The following TIAM1 variants were observed in gnomAD, a reference collection of about 807,000 sequenced individuals.
TIAM1 encodes rho guanine nucleotide exchange factor TIAM1.
A neutral mutation model predicts 163.5 loss-of-function variants in TIAM1; 65 were observed. The observed-to-expected ratio is 0.40, with a 90% CI of 0.33 to 0.49. The LOEUF (loss-of-function observed/expected upper bound fraction) is 0.49. Ranked by LOEUF, TIAM1 falls within the 20% of genes least tolerant of loss-of-function variation. The pLI is 0.77. For synonymous variants in TIAM1, 833 were observed against 810.1 expected (o/e 1.03, Z -0.48); for missense variants, 1,789 against 2,044.7 (o/e 0.87, Z 2.41).
chr21:31,164,333 T>C (rs951717862), intron 16 of TIAM1, among the ~76,000 whole-genome samples: 7 of 147,150 alleles, frequency 4.8e-5, no homozygotes, highest in African/African-American at 1.5e-4. Context: ...GAGCTTGCAG[T>C]GAGCCGAGAT....
chr21:31,215,036 A>T (rs966276198), intron 9 of TIAM1, among the ~76,000 whole-genome samples: 1 of 152,228 alleles, frequency 6.6e-6, no homozygotes. Flanking sequence ...TTTAGAAAAA[A>T]TACAAGAATT....
chr21:31,336,845 C>T (rs1221116935), intron 2 of TIAM1, among the ~76,000 whole-genome samples: 1 of 152,104 alleles, frequency 6.6e-6, no homozygotes, highest in Non-Finnish European at 1.5e-5. Context: ...AGGCAGGAGG[C>T]CAATGGGGGT....
chr21:31,433,390 G>A (rs897325040), intron 2 of TIAM1, among the ~76,000 whole-genome samples: 12 of 152,190 alleles, frequency 7.9e-5, no homozygotes, highest in African/African-American at 2.4e-5. Flanking sequence ...AGCAAACTGG[G>A]TAGAAGGAGA....
At chr21:31,478,370 A>T (rs1273329295) in intron 1 of TIAM1, among the ~76,000 whole-genome samples, 1 of 152,206 alleles carries the variant, frequency 6.6e-6, no homozygotes. Flanking sequence ...AGTTTAAAAA[A>T]ATCAATCCAT....
intron 11 of TIAM1, among the ~76,000 whole-genome samples, chr21:31,206,568 T>C (rs2086462492): frequency 6.6e-6 from 1 of 152,236 alleles, no homozygotes; most frequent in Non-Finnish European, 1.5e-5. Flanking sequence ...TGTTTTCCAA[T>C]GTACATGTAC....
chr21:31,195,590 G>A (rs983838792), intron 12 of TIAM1, among the ~76,000 whole-genome samples: 1 of 152,102 alleles, frequency 6.6e-6, no homozygotes, highest in Non-Finnish European at 1.5e-5. Flanking sequence ...TAATGCTAAA[G>A]TAATGGAGAT....
At chr21:31,513,457 G>T (rs1369304942) in intron 1 of TIAM1, among the ~76,000 whole-genome samples, 5 of 152,140 alleles carry the variant, frequency 3.3e-5, no homozygotes, top group Admixed American at 2.6e-4. Flanking sequence ...ATGCTACCAT[G>T]TTGTGAAATG....
intron 1 of TIAM1, among the ~76,000 whole-genome samples, chr21:31,484,819 C>T (rs2147403119): frequency 6.6e-6 from 1 of 152,316 alleles, no homozygotes; most frequent in East Asian, 1.9e-4. Flanking sequence ...CCCTGAAATC[C>T]TAGCCCCTTA....
At chr21:31,185,611 T>G (rs1430008583) in intron 14 of TIAM1, among the ~76,000 whole-genome samples, 1 of 144,598 alleles carries the variant, frequency 6.9e-6, no homozygotes, top group Non-Finnish European at 1.5e-5. Flanking sequence ...TAGCTATATA[T>G]TATATTAATA....
chr21:31,404,468 T>G (rs1450916719), intron 2 of TIAM1, among the ~76,000 whole-genome samples: 1 of 150,226 alleles, frequency 6.7e-6, no homozygotes, highest in Non-Finnish European at 1.5e-5. Context: ...GGTCAAATCC[T>G]ACACTAAGTC....
chr21:31,363,246 T>C (rs1043684597), intron 2 of TIAM1, among the ~76,000 whole-genome samples: 2 of 152,160 alleles, frequency 1.3e-5, no homozygotes, highest in Admixed American at 6.5e-5. Context: ...AAAACAGGGA[T>C]GAAAGACAGA....
rs140208677 is a variant in TIAM1 at position 31,203,676 on chromosome 21, T to C, written c.2389-664A>G. 8.5e-3 allele frequency among the ~76,000 whole-genome samples: 1,292 copies of C among 152,318 alleles called. 8 individuals carry two copies. Among genetic ancestry groups the C allele is most frequent in the Non-Finnish European group, 0.013 (861 of 68,024 alleles). The stretch of plus-strand genomic sequence containing the variant: ...AGGTTCTTAAATATAACTTCATAGA[T>C]AGGTGATTAAAGAAAAGGGTAACAA... On this transcript the variant is annotated intron_variant, in intron 11 of 27. Coordinates refer to ENST00000541036, the MANE Select transcript of TIAM1 (RefSeq NM_001353694.2).
At chr21:31,305,416 T>TAA (rs1242158906) in intron 2 of TIAM1, among the ~76,000 whole-genome samples, 14 of 117,924 alleles carry the variant, frequency 1.2e-4, no homozygotes, top group East Asian at 6.5e-4. Context: ...AACTCTGAAA[T>TAA]AAAAATAAAA....
At chr21:31,335,299 C>T (rs1021570450) in intron 2 of TIAM1, among the ~76,000 whole-genome samples, 1 of 152,054 alleles carries the variant, frequency 6.6e-6, no homozygotes, top group African/African-American at 2.4e-5. Context: ...ATTACCTCAC[C>T]CTCCCCACCC....
In TIAM1 at chr21:31,141,058, T is replaced by TA; in HGVS notation, c.3774+59dup. 2 of 1,324,330 alleles carry TA rather than the reference T, an allele frequency of 1.5e-6. No homozygotes were observed. Among genetic ancestry groups the TA allele is most frequent in the Non-Finnish European group, 2.1e-6 (2 of 954,398 alleles). The allele number at this position is 1,324,330 out of a possible 1,614,324, so 82.0% of individuals were successfully genotyped here. A position where few individuals can be genotyped will look rare whatever the true frequency, so the allele number is the denominator to read the frequency against. ...CCTTTTTAAAAAATAAATAAATAAATAAAAGCAAACTCAAACTCGGCTTTC... is the reference window on the plus strand; with the variant it reads ...CCTTTTTAAAAAATAAATAAATAAATAAAAAGCAAACTCAAACTCGGCTTTC... On this transcript the variant is annotated intron_variant, in intron 22 of 27. Coordinates refer to ENST00000541036, the MANE Select transcript of TIAM1 (RefSeq NM_001353694.2). The surrounding 1 kb of genome is among the most constrained non-coding windows in gnomAD (Gnocchi z 4.7).
Position 31,146,881 on chromosome 21 carries a change from C to T in TIAM1, c.3475+14G>A. 1 of 1,610,538 alleles carries T rather than the reference C, an allele frequency of 6.2e-7. No individual in the cohort carries two copies. The highest frequency in any genetic ancestry group is 8.5e-7 in the Non-Finnish European group (1 of 1,176,798). On this transcript the variant is annotated intron_variant, in intron 20 of 27. Transcript: ENST00000541036. ...AGCAACACACCCCCACCTCCACATC[C>T]TCAGAGGCCTTACCTTTCACCAGGA...
rs1468863182 is a variant in TIAM1 at position 31,252,063 on chromosome 21, C to T, written c.1090G>A (p.Ala364Thr). 6.2e-7 allele frequency: 1 copy of T among 1,613,946 alleles called. No homozygotes were observed. The highest frequency in any genetic ancestry group is 8.5e-7 in the Non-Finnish European group (1 of 1,180,048). Residue 364 changes from alanine (A) to threonine (T), a missense_variant, in exon 5 of 28, where the codon GCC becomes ACC. Ala to Thr is a moderately conservative substitution (Grantham distance 58). Around this residue, in one of 5 missense-constraint regions of TIAM1, gnomAD observed 555 missense variants for 564.9 expected, o/e 0.98. Transcript: ENST00000541036. ...CTGCCGCTGTCGCTGCCCACAAAGG[C>T]CCGGCCTGTGGTGGGTGAGTAGCTG... ...NSSYSPTTGR[A>T]FVGSDSGSSS...
chr21:31,539,887 A>T (rs997644197), intron 1 of TIAM1, among the ~76,000 whole-genome samples: 2 of 152,110 alleles, frequency 1.3e-5, no homozygotes, highest in African/African-American at 4.8e-5. Flanking sequence ...CTTAATGATA[A>T]CATGTAAAGT....
chr21:31,249,693 G>T (rs1300526092), intron 5 of TIAM1, among the ~76,000 whole-genome samples: 1 of 152,182 alleles, frequency 6.6e-6, no homozygotes, highest in Admixed American at 6.5e-5. Context: ...CTCCCCCAGA[G>T]CAGAGCAGCT....
Sources: gnomAD v4.1 joint callset for allele counts (sites outside exome capture counted in the v4.1 genomes callset) on GRCh38, gnomAD v4.1.1 for gene constraint, gnomAD v4.1.1 regional missense constraint, Gnocchi (gnomAD v3.1) non-coding constraint, MANE v1.5 for transcripts, NCBI Gene and HGNC (gene_info 2026-07-23, HGNC 2026-07-21) for gene names.